The following SPAG16 variants were observed in gnomAD, a reference collection of about 807,000 sequenced individuals.
SPAG16 encodes the protein sperm associated antigen 16, also known as sperm-associated antigen 16 protein.
In SPAG16, 86 loss-of-function variants were observed where a neutral mutation model predicts 80.4. That is an observed-to-expected ratio of 1.07 (90% CI 0.90 to 1.28). SPAG16 has a LOEUF of 1.28. Ranked by LOEUF, SPAG16 falls within the 50% of genes most tolerant of loss-of-function variation. The pLI is 0.00. For missense variants in SPAG16, 870 were observed against 765.3 expected (o/e 1.14, Z -1.61); for synonymous variants, 294 against 265.9 (o/e 1.11, Z -1.03).
At chr2:213,387,656 A>C (rs370902171) in intron 9 of SPAG16, among the ~76,000 whole-genome samples, 2 of 149,230 alleles carry the variant, frequency 1.3e-5, no homozygotes, top group South Asian at 4.3e-4. Flanking sequence ...GGGTTTCACC[A>C]TTTTGGCCGG....
chr2:213,284,783 A>T (rs2061993514), intron 1 of SPAG16, 164 bp downstream of exon 1: 1 of 1,021,078 alleles, frequency 9.8e-7, no homozygotes, highest in Non-Finnish European at 1.4e-6. Flanking sequence ...TCTTCCTGAG[A>T]GCCACTCACT....
At chr2:214,254,176 C>T (rs560962439) in intron 15 of SPAG16, among the ~76,000 whole-genome samples, 3 of 152,018 alleles carry the variant, frequency 2.0e-5, no homozygotes, top group South Asian at 2.1e-4. Flanking sequence ...CAGCTTAAGT[C>T]GATTTTGGGC....
chr2:213,686,488 G>A (rs1374758125), intron 10 of SPAG16, among the ~76,000 whole-genome samples: 1 of 151,792 alleles, frequency 6.6e-6, no homozygotes, highest in Non-Finnish European at 1.5e-5. Flanking sequence ...TTTATTATTA[G>A]CATGACGTAT....
chr2:213,749,338 C>A (rs937205589), intron 10 of SPAG16, among the ~76,000 whole-genome samples: 4 of 151,838 alleles, frequency 2.6e-5, no homozygotes, highest in Admixed American at 1.3e-4. Flanking sequence ...TGTATTCTCC[C>A]AGTTAACATA....
In SPAG16 at chr2:213,317,346, C is replaced by G. The variant is rs1326667271; in HGVS notation, c.526C>G (p.Gln176Glu). The change falls in exon 5 of 16, where the codon CAA becomes GAA. Residue 176 changes from glutamine to glutamate, a missense_variant. Gln to Glu is a conservative substitution (Grantham distance 29, BLOSUM62 2). Transcript: ENST00000331683. ...NLKKDLKHYK[Q>E]AADKAREDLL... ...AAAGAAAGATTTGAAGCACTACAAA[C>G]AAGCAGCTGAGTATGTTATTTTTTA... is the stretch of plus-strand genomic sequence containing the variant. 3.1e-6 allele frequency: 5 copies of G among 1,607,436 alleles called. No individual in the cohort carries two copies. Among genetic ancestry groups the G allele is most frequent in the Middle Eastern group, 3.3e-4 (2 of 6,040 alleles).
At chr2:213,992,781 CAT>C (rs1341400605) in intron 12 of SPAG16, among the ~76,000 whole-genome samples, 1 of 152,130 alleles carries the variant, frequency 6.6e-6, no homozygotes, top group Non-Finnish European at 1.5e-5. Flanking sequence ...ATATTTCTAT[CAT>C]GTGTAAATTG....
At chr2:213,382,521 T>C (rs1482920974) in intron 9 of SPAG16, among the ~76,000 whole-genome samples, 3 of 152,214 alleles carry the variant, frequency 2.0e-5, no homozygotes, top group African/African-American at 7.2e-5. Flanking sequence ...TTGAGCACCA[T>C]TGGGTCTGCT....
Position 213,350,452 on chromosome 2 carries a change from A to T in SPAG16, c.645-76A>T, listed in dbSNP as rs982319045. The T allele has an allele frequency of 4.2e-6, 3 of 719,398 alleles. No homozygotes were observed. In the African/African-American group the frequency reaches 5.4e-5, roughly 13 times the overall value. 44.6% of individuals were successfully genotyped at this position (719,398 alleles called of 1,614,324 possible). ...CACAGCAAAAAAGAAAAAGAAAAAA[A>T]GGTTTTGATGTTAGATGGAAATTAC... On this transcript the variant is annotated intron_variant, in intron 6 of 15. Transcript: ENST00000331683.
At chr2:213,739,204 G>A (rs181524013) in intron 10 of SPAG16, among the ~76,000 whole-genome samples, 1 of 152,102 alleles carries the variant, frequency 6.6e-6, no homozygotes, top group Admixed American at 6.6e-5. Context: ...TTCCCACGTA[G>A]CCTCAGTAGG....
At chr2:213,461,247 CAG>C (rs1272880718) in intron 9 of SPAG16, among the ~76,000 whole-genome samples, 1 of 152,110 alleles carries the variant, frequency 6.6e-6, no homozygotes. Context: ...ACATTATTAA[CAG>C]AGGCAACAAA....
At chr2:214,170,042 T>C (rs2056813996) in intron 15 of SPAG16, among the ~76,000 whole-genome samples, 1 of 152,046 alleles carries the variant, frequency 6.6e-6, no homozygotes, top group South Asian at 2.1e-4. Context: ...TGAAGCCATA[T>C]AAATAATATA....
At chr2:213,783,195 A>G (rs985925993) in intron 10 of SPAG16, among the ~76,000 whole-genome samples, 1 of 151,078 alleles carries the variant, frequency 6.6e-6, no homozygotes, top group Non-Finnish European at 1.5e-5. Flanking sequence ...ATGGTTTCCA[A>G]TTTCATCCAT....
intron 13 of SPAG16, among the ~76,000 whole-genome samples, chr2:214,077,700 A>T (rs1378670962): frequency 6.6e-6 from 1 of 152,222 alleles, no homozygotes; most frequent in Non-Finnish European, 1.5e-5. Flanking sequence ...CACATTGTGC[A>T]GCTGCCAAAA....
rs73986903 is a variant in SPAG16, at chr2:213,725,642, C to T, written c.1071-136843C>T. Among the ~76,000 whole-genome samples the T allele has an allele frequency of 2.2e-3, 339 of 152,242 alleles. 3 individuals are homozygous for T. The highest frequency in any genetic ancestry group is 7.6e-3 in the African/African-American group (315 of 41,550). ...AATTTACATAAAGAAGAGGGTGCGG[C>T]GTGTCTTAGCAACAGTGAGAAAAGA... On this transcript the variant is annotated intron_variant, in intron 10 of 15. Transcript: ENST00000331683.
At chr2:214,229,542 G>C (rs35824328) in intron 15 of SPAG16, among the ~76,000 whole-genome samples, 19,281 of 151,590 alleles carry the variant, frequency 0.13, 1,300 homozygotes, top group Middle Eastern at 0.23. Context: ...ATATGTATTT[G>C]AAATCCAAAA....
intron 15 of SPAG16, among the ~76,000 whole-genome samples, chr2:214,339,450 A>C (rs952050420): frequency 1.3e-5 from 2 of 152,216 alleles, no homozygotes; most frequent in African/African-American, 4.8e-5. Context: ...TGTTTAAGTC[A>C]AAGCAATGTT....
intron 10 of SPAG16, among the ~76,000 whole-genome samples, chr2:213,516,337 C>A (rs1047004701): frequency 6.6e-6 from 1 of 152,130 alleles, no homozygotes; most frequent in African/African-American, 2.4e-5. Flanking sequence ...TCAATAAGTG[C>A]CCATACGTTA....
chr2:214,121,626 T>C (rs2054225375), intron 14 of SPAG16, among the ~76,000 whole-genome samples: 1 of 151,834 alleles, frequency 6.6e-6, no homozygotes, highest in Non-Finnish European at 1.5e-5. Flanking sequence ...GTACTACTGC[T>C]ACTACTGCTA....
intron 1 of SPAG16, chr2:213,285,960 T>G (rs1559371026): frequency 8.1e-7 from 1 of 1,241,054 alleles, no homozygotes. Flanking sequence ...TAAAATTATT[T>G]CCGTGAACAC....
Sources: allele counts gnomAD v4.1 joint callset (sites outside exome capture counted in the v4.1 genomes callset), GRCh38; gene constraint gnomAD v4.1.1; transcripts MANE v1.5; gene names NCBI Gene and HGNC (gene_info 2026-07-23, HGNC 2026-07-21).